Variants in LHX1 observed in about 807,000 individuals in gnomAD.
LHX1 encodes LIM/homeobox protein Lhx1.
LHX1 carries 9 observed loss-of-function variants against 34.1 expected under a neutral mutation model. That is an observed-to-expected ratio of 0.26 (90% CI 0.16 to 0.46). The LOEUF (loss-of-function observed/expected upper bound fraction) is 0.46. LHX1 is among the 20% of genes least tolerant of loss of function. LHX1 has a pLI of 1.00. For missense variants in LHX1, 446 were observed against 559.1 expected (o/e 0.80, Z 2.04); for synonymous variants, 254 against 241.5 (o/e 1.05, Z -0.48).
chr17:36,940,761 G>C lies in LHX1; in HGVS notation c.549G>C (p.Pro183=). ...ACCTGGGCGCCAAGCGGCGGGGACC[G>C]CGCACCACCATCAAAGCCAAGCAGC... ...DQNLGAKRRG[P]RTTIKAKQLE... Residue 183 remains proline (P), a synonymous_variant, in exon 3 of 5, where the codon CCG becomes CCC. Coordinates refer to ENST00000614239, the MANE Select transcript of LHX1 (RefSeq NM_005568.5). 9.9e-6 allele frequency: 16 copies of C among 1,613,574 alleles called. No individual in the cohort carries two copies. The highest frequency in any genetic ancestry group is 1.3e-5 in the Non-Finnish European group (15 of 1,180,052).
chr17:36,942,105 C>A, intron 3 of LHX1, 95 bp from the exon 4 acceptor site: 1 of 1,355,748 alleles, frequency 7.4e-7, no homozygotes. Context: ...GCGGTGTCGG[C>A]TAGCCAGGCG....
In LHX1 at chr17:36,943,322, G is replaced by A. The variant is rs111387196; in HGVS notation, c.*191G>A. 6 of 660,110 alleles carry A rather than the reference G, an allele frequency of 9.1e-6. No homozygotes were observed. The highest frequency in any genetic ancestry group is 1.5e-5 in the Non-Finnish European group (6 of 409,958). 40.9% of individuals were successfully genotyped at this position (660,110 alleles called of 1,614,324 possible). ...AGGATCCAAATCGGCCTCGAGGTGG[G>A]ACTGGGATCCGCGCACTGGCTGTCG... On this transcript the variant is annotated 3_prime_UTR_variant, in exon 5 of 5. Coordinates refer to ENST00000614239, the MANE Select transcript of LHX1 (RefSeq NM_005568.5).
rs1452227802 is a variant in LHX1, at chr17:36,940,728, C to G, written c.516C>G (p.Asp172Glu). The G allele has an allele frequency of 1.2e-6, 2 of 1,613,780 alleles. No homozygotes were observed. Among genetic ancestry groups the G allele is most frequent in the South Asian group, 1.1e-5 (1 of 91,088 alleles). ...SDKEAGSNEN[D>E]DQNLGAKRRG... ...AGGAAGCGGGTAGCAACGAGAATGA[C>G]GACCAGAACCTGGGCGCCAAGCGGC... The change falls in exon 3 of 5, where the codon GAC (aspartate) becomes GAG (glutamate). Residue 172 changes from aspartate to glutamate, a missense_variant. Asp to Glu is a conservative substitution (Grantham distance 45). Around this residue, in one of 3 missense-constraint regions of LHX1, gnomAD observed 168 missense variants for 226.6 expected, o/e 0.74. Transcript: ENST00000614239.
chr17:36,938,642 G>A (rs955880705), intron 1 of LHX1: 11 of 563,980 alleles, frequency 2.0e-5, no homozygotes, highest in Admixed American at 6.0e-5. Flanking sequence ...GCCCCTTCAA[G>A]CTTGGAAGAG....
Position 36,940,627 on chromosome 17 carries a change from C to A in LHX1, c.415C>A (p.Pro139Thr). 4.3e-6 allele frequency: 7 copies of A among 1,613,834 alleles called. No individual in the cohort carries two copies. Among genetic ancestry groups the A allele is most frequent in the Non-Finnish European group, 5.1e-6 (6 of 1,180,030 alleles). The change falls in exon 3 of 5, where the codon CCC (proline) becomes ACC (threonine). Residue 139 changes from proline to threonine, a missense_variant. This residue lies in a region of LHX1 where 168 missense variants were observed against 226.6 expected (regional missense o/e 0.74). Transcript: ENST00000614239. ...SLHSATTGSD[P>T]SLSPDSQDPS... The stretch of plus-strand genomic sequence containing the variant: ...CCTCTTAGCCACCACGGGCAGTGAC[C>A]CCAGTTTGTCTCCGGATTCCCAAGA...
At position 36,944,483 on chromosome 17, in the gene LHX1, A is replaced by G. The variant is rs2070790043; in HGVS notation, c.*1352A>G. The G allele has an allele frequency of 6.6e-6, 1 of 152,196 alleles. No homozygotes were observed. The highest frequency in any genetic ancestry group is 1.5e-5 in the Non-Finnish European group (1 of 68,028). 9.4% of individuals were successfully genotyped at this position (152,196 alleles called of 1,614,324 possible). A position where few individuals can be genotyped will look rare whatever the true frequency, so the allele number is the denominator to read the frequency against. On this transcript the variant is annotated 3_prime_UTR_variant, in exon 5 of 5. Transcript: ENST00000614239. ...TTTCTTTATATATTAAATTTCTCAT[A>G]TGTCTTTTATTGTTCTAATAAACCT...
chr17:36,944,538 A>G lies in LHX1; in HGVS notation c.*1407A>G, dbSNP rs1212636131. The stretch of plus-strand genomic sequence containing the variant: ...TTGTGTGACCTCCAGTGCATATTAG[A>G]CCATTCACTGTATGAAAGAAAACAT... On this transcript the variant is annotated 3_prime_UTR_variant, in exon 5 of 5. Coordinates refer to ENST00000614239, the MANE Select transcript of LHX1 (RefSeq NM_005568.5). 2 of 152,230 alleles carry G rather than the reference A, an allele frequency of 1.3e-5. No homozygotes were observed. The highest frequency in any genetic ancestry group is 2.4e-5 in the African/African-American group (1 of 41,446). The allele number at this position is 152,230 out of a possible 1,614,324, so 9.4% of individuals were successfully genotyped here. A position where few individuals can be genotyped will look rare whatever the true frequency, so the allele number is the denominator to read the frequency against.
chr17:36,937,124 A>G (rs2070730547), upstream of LHX1: 3 of 403,306 alleles, frequency 7.4e-6, no homozygotes, highest in Admixed American at 8.7e-5. Flanking sequence ...AAGGAAAAGG[A>G]GAGAAAGTCG....
intron 1 of LHX1, 186 bp from the exon 2 acceptor site, chr17:36,940,104 C>T (rs1312807791): frequency 4.9e-6 from 3 of 618,284 alleles, no homozygotes; most frequent in Non-Finnish European, 8.7e-6. Context: ...TCCTCACCTG[C>T]TTAACCGGAA....
chr17:36,942,062 C>A, intron 3 of LHX1, 138 bp from the exon 4 acceptor site: 1 of 804,448 alleles, frequency 1.2e-6, no homozygotes, highest in Non-Finnish European at 2.0e-6. Flanking sequence ...GCACCGTCAC[C>A]ACTACCCTAC....
chr17:36,941,577 C>T (rs907414467), intron 3 of LHX1: 1 of 241,808 alleles, frequency 4.1e-6, no homozygotes, highest in Non-Finnish European at 8.2e-6. Flanking sequence ...ATGTACCTGC[C>T]TGGGAGGCTG....
At chr17:36,939,539 C>T (rs2070750555) in intron 1 of LHX1, among the ~76,000 whole-genome samples, 1 of 152,232 alleles carries the variant, frequency 6.6e-6, no homozygotes, top group Non-Finnish European at 1.5e-5. Context: ...TCTGAGCCTC[C>T]GCGGGCTGCC....
rs1441407667 is a variant in LHX1 at position 36,937,958 on chromosome 17, C to T, written c.-240C>T. The T allele has an allele frequency of 1.7e-6, 1 of 601,782 alleles. No individual in the cohort carries two copies. The highest frequency in any genetic ancestry group is 3.0e-6 in the Non-Finnish European group (1 of 336,764). 37.3% of individuals were successfully genotyped at this position (601,782 alleles called of 1,614,324 possible). Reference sequence around the variant, plus strand: ...GGGAGCTCAGGCGGCGCCGCTCCAGCCCGGGGCCCCGGGACTCCCCGGCTG... The same window carrying T: ...GGGAGCTCAGGCGGCGCCGCTCCAGTCCGGGGCCCCGGGACTCCCCGGCTG... On this transcript the variant is annotated 5_prime_UTR_variant, in exon 1 of 5. Coordinates refer to ENST00000614239, the MANE Select transcript of LHX1 (RefSeq NM_005568.5).
At chr17:36,941,251 G>A (rs575825672) in intron 3 of LHX1, 1 of 516,632 alleles carries the variant, frequency 1.9e-6, no homozygotes, top group African/African-American at 1.9e-5. Context: ...GTGTCCCCCA[G>A]AGTCAATCAG....
chr17:36,943,045 T>C lies in LHX1; in HGVS notation c.1135T>C (p.Phe379Leu). 4 of 1,606,166 alleles carry C rather than the reference T, an allele frequency of 2.5e-6. No individual in the cohort carries two copies. Among genetic ancestry groups the C allele is most frequent in the Non-Finnish European group, 3.4e-6 (4 of 1,174,786 alleles). Residue 379 changes from phenylalanine (F) to leucine (L), a missense_variant, in exon 5 of 5, where the codon TTC becomes CTC. Coordinates refer to ENST00000614239, the MANE Select transcript of LHX1 (RefSeq NM_005568.5). Reference protein sequence around the residue: ...SAEVFGPSPPFSSLSVNGGAS... With the variant: ...SAEVFGPSPPLSSLSVNGGAS... ...CGAGGTCTTCGGACCCAGCCCGCCC[T>C]TCTCGTCGCTGTCGGTCAACGGTGG...
At position 36,937,684 on chromosome 17, in the gene LHX1, G is replaced by T. The variant is rs2070736126; in HGVS notation, c.-514G>T. ...ATCCCAGTGGTGGGCAGCCTGGCAC[G>T]CACACAGTCGCCCTCATACCCCGAC... On this transcript the variant is annotated 5_prime_UTR_variant, in exon 1 of 5. Coordinates refer to ENST00000614239, the MANE Select transcript of LHX1 (RefSeq NM_005568.5). 1 of 394,714 alleles carries T rather than the reference G, an allele frequency of 2.5e-6. No individual in the cohort carries two copies. Among genetic ancestry groups the T allele is most frequent in the Non-Finnish European group, 5.1e-6 (1 of 196,610 alleles). The allele number at this position is 394,714 out of a possible 1,614,324, so 24.5% of individuals were successfully genotyped here.
chr17:36,942,125 T>G, intron 3 of LHX1, 75 bp from the exon 4 acceptor site: 3 of 1,471,784 alleles, frequency 2.0e-6, no homozygotes, highest in African/African-American at 1.4e-5. Flanking sequence ...GGTGAAGGGG[T>G]GCTGGCTAGG....
chr17:36,942,431 GC>G lies in LHX1; in HGVS notation c.841+67del. On this transcript the variant is annotated intron_variant, in intron 4 of 4. Coordinates refer to ENST00000614239, the MANE Select transcript of LHX1 (RefSeq NM_005568.5). The stretch of plus-strand genomic sequence containing the variant: ...CGGGCTTCGTTGGAAGCGGGTGGCA[GC>G]GCGGGGGGGCACGCCTCGCTCTCTG... 2.7e-6 allele frequency: 4 copies of G among 1,482,272 alleles called. No homozygotes were observed. In the South Asian group the frequency reaches 4.9e-5, roughly 18 times the overall value. The allele number at this position is 1,482,272 out of a possible 1,614,324, so 91.8% of individuals were successfully genotyped here.
chr17:36,939,845 G>A (rs1472832633), intron 1 of LHX1, among the ~76,000 whole-genome samples: 2 of 152,274 alleles, frequency 1.3e-5, no homozygotes, highest in African/African-American at 4.8e-5. Context: ...GAAAAGCGGC[G>A]CTCCGCGCAC....
Sources: allele counts gnomAD v4.1 joint callset (sites outside exome capture counted in the v4.1 genomes callset), GRCh38; gene constraint gnomAD v4.1.1; regional missense constraint gnomAD v4.1.1; transcripts MANE v1.5; gene names NCBI Gene and HGNC (gene_info 2026-07-23, HGNC 2026-07-21).